Variants in RALGAPA1 observed in about 807,000 individuals in gnomAD.
RALGAPA1 encodes ral GTPase-activating protein subunit alpha-1.
Under a neutral mutation model 269.6 loss-of-function variants are expected in RALGAPA1, and 52 were observed. The observed-to-expected ratio is 0.19, with a 90% CI of 0.15 to 0.24. The LOEUF (loss-of-function observed/expected upper bound fraction) is 0.24, where lower values mean the gene tolerates loss of function less well. Among genes scored for constraint, RALGAPA1 ranks in the 10% least tolerant of loss-of-function variants. The pLI is 1.00. For missense variants in RALGAPA1, 1,917 were observed against 3,013.9 expected, an observed-to-expected ratio of 0.64 and a Z score of 8.52; for synonymous variants, 817 against 1,008.3, an observed-to-expected ratio of 0.81 and a Z score of 3.60.
chr14:35,649,758 T>C (rs2062688950), intron 31 of RALGAPA1, among the ~76,000 whole-genome samples: 1 of 152,178 alleles, frequency 6.6e-6, no homozygotes, highest in African/African-American at 2.4e-5. Context: ...TTTTCTACTT[T>C]TTATACTATT....
chr14:35,787,128 T>C (rs886172117), intron 1 of RALGAPA1, among the ~76,000 whole-genome samples: 1 of 152,238 alleles, frequency 6.6e-6, no homozygotes, highest in African/African-American at 2.4e-5. Flanking sequence ...TCTTTTACTA[T>C]ACCATTAACT....
At position 35,605,680 on chromosome 14, in the gene RALGAPA1, T is replaced by C. The variant is rs2059555100; in HGVS notation, c.6959A>G (p.Tyr2320Cys). Residue 2320 changes from tyrosine (Y) to cysteine (C), a missense_variant, in exon 36 of 42, where the codon TAT (tyrosine) becomes TGT (cysteine). Physicochemically the swap from Tyr to Cys is radical, Grantham distance 194 (BLOSUM62 -2). Coordinates refer to ENST00000680220, the MANE Select transcript of RALGAPA1 (RefSeq NM_001346249.2). The stretch of plus-strand genomic sequence containing the variant: ...TTTGTCTTCTTGTCCTTCAGCAACA[T>C]AAAATACTGCAATCTTGTGTGTCTC... Reference protein sequence around the residue: ...CRETHKIAVFYVAEGQEDKHS... With the variant: ...CRETHKIAVFCVAEGQEDKHS... 3 of 1,610,596 alleles carry C rather than the reference T, an allele frequency of 1.9e-6. No homozygotes were observed. Among genetic ancestry groups the C allele is most frequent in the Non-Finnish European group, 1.7e-6 (2 of 1,179,012 alleles).
chr14:35,773,851 G>C (rs1166024006), intron 3 of RALGAPA1, among the ~76,000 whole-genome samples: 1 of 151,962 alleles, frequency 6.6e-6, no homozygotes, highest in Non-Finnish European at 1.5e-5. Flanking sequence ...ACAGCTAAGA[G>C]ACATATAAAT....
chr14:35,590,117 A>T (rs1273527668), intron 37 of RALGAPA1, among the ~76,000 whole-genome samples: 1 of 152,198 alleles, frequency 6.6e-6, no homozygotes, highest in African/African-American at 2.4e-5. Flanking sequence ...TCTTTATTCC[A>T]ATCCTATTTA....
rs747195747 is a variant in RALGAPA1, at chr14:35,549,188, A to C, written c.7543T>G (p.Leu2515Val). 6.2e-7 allele frequency: 1 copy of C among 1,613,086 alleles called. No homozygotes were observed. The highest frequency in any genetic ancestry group is 8.5e-7 in the Non-Finnish European group (1 of 1,179,406). Residue 2515 changes from leucine to valine, a missense_variant, in exon 40 of 42, where the codon TTA becomes GTA. Physicochemically the swap from Leu to Val is conservative, Grantham distance 32. Coordinates refer to ENST00000680220, the MANE Select transcript of RALGAPA1 (RefSeq NM_001346249.2). ...RYLQTIVQHH[L>V]EPTTFEDFAA... is the part of the protein sequence containing the mutation. Reference sequence around the variant, plus strand: ...AAATCTTCAAATGTTGTTGGTTCTAAGTGGTGCTGGACAATTGTTTGCAGG... The same window carrying C: ...AAATCTTCAAATGTTGTTGGTTCTACGTGGTGCTGGACAATTGTTTGCAGG...
intron 33 of RALGAPA1, among the ~76,000 whole-genome samples, chr14:35,633,300 C>T (rs1031889991): frequency 1.6e-4 from 24 of 152,044 alleles, no homozygotes; most frequent in African/African-American, 4.6e-4. Context: ...TATCTTATTA[C>T]GTCAAATCTA....
chr14:35,742,736 A>C (rs1441602523), intron 10 of RALGAPA1, among the ~76,000 whole-genome samples, 171 bp from the exon 11 acceptor site: 1 of 151,670 alleles, frequency 6.6e-6, no homozygotes, highest in Admixed American at 6.6e-5. Context: ...TATAAATAAG[A>C]GTTAAGTTCC....
chr14:35,588,701 C>CA (rs1281077243), intron 37 of RALGAPA1, among the ~76,000 whole-genome samples: 1 of 152,116 alleles, frequency 6.6e-6, no homozygotes, highest in Non-Finnish European at 1.5e-5. Context: ...GGGGGTTCTT[C>CA]AAAAAATTAA....
chr14:35,775,020 G>A lies in RALGAPA1; in HGVS notation c.253C>T (p.Leu85Phe). ...GAAGCACTTACCTCAAAAATAAAAA[G>A]TATAGCATCCAATTCCTCTCTTTGA... ...KSQREELDAI[L>F]FIFEKILQLL... Residue 85 changes from leucine (L) to phenylalanine (F), a missense_variant, in exon 3 of 42, where the codon CTT (leucine) becomes TTT (phenylalanine). Physicochemically the swap from Leu to Phe is conservative, Grantham distance 22. Around this residue, in one of 11 missense-constraint regions of RALGAPA1, gnomAD observed 462 missense variants for 725.6 expected, o/e 0.64. Transcript: ENST00000680220. 1 of 1,573,198 alleles carries A rather than the reference G, an allele frequency of 6.4e-7. No individual in the cohort carries two copies. The highest frequency in any genetic ancestry group is 8.7e-7 in the Non-Finnish European group (1 of 1,152,242).
chr14:35,540,009 G>A (rs532097530), intron 41 of RALGAPA1, among the ~76,000 whole-genome samples: 22 of 152,178 alleles, frequency 1.4e-4, no homozygotes, highest in Non-Finnish European at 2.4e-4. Flanking sequence ...TGCAGGGAAG[G>A]GGTCAAGAAG....
At chr14:35,673,068 T>A in intron 24 of RALGAPA1, 46 bp from the exon 25 acceptor site, 1 of 1,369,960 alleles carries the variant, frequency 7.3e-7, no homozygotes, top group African/African-American at 1.5e-5. Flanking sequence ...AAATACTATT[T>A]GCTAAATAAC....
At chr14:35,715,192 AC>A (rs1440555554) in intron 16 of RALGAPA1, among the ~76,000 whole-genome samples, 1 of 152,172 alleles carries the variant, frequency 6.6e-6, no homozygotes, top group South Asian at 2.1e-4. Flanking sequence ...CCAACTAGAC[AC>A]ATCAGACCCT....
At chr14:35,543,305 C>T (rs948379646) in intron 41 of RALGAPA1, among the ~76,000 whole-genome samples, 1 of 152,006 alleles carries the variant, frequency 6.6e-6, no homozygotes. Flanking sequence ...CATAATAATG[C>T]TATTAAACAG....
chr14:35,702,715 TA>T lies in RALGAPA1; in HGVS notation c.2267-2414del, dbSNP rs1555409652. Among the ~76,000 whole-genome samples the T allele has an allele frequency of 3.5e-3, 399 of 114,018 alleles. 4 individuals carry two copies. Among genetic ancestry groups the T allele is most frequent in the South Asian group, 0.017 (63 of 3,644 alleles). The allele number at this position is 114,018 out of a possible 152,430, so 74.8% of individuals were successfully genotyped here. A position where few individuals can be genotyped will look rare whatever the true frequency, so the allele number is the denominator to read the frequency against. Reference sequence around the variant, plus strand: ...ATCTATAGTTGTAATCACCTTTAATTAAAAAAAAAAAATATATATATATATA... The same window carrying T: ...ATCTATAGTTGTAATCACCTTTAATTAAAAAAAAAAATATATATATATATA... On this transcript the variant is annotated intron_variant, in intron 16 of 41. Coordinates refer to ENST00000680220, the MANE Select transcript of RALGAPA1 (RefSeq NM_001346249.2).
intron 1 of RALGAPA1, among the ~76,000 whole-genome samples, chr14:35,779,414 C>T (rs1489365661): frequency 2.6e-5 from 4 of 151,988 alleles, no homozygotes; most frequent in Admixed American, 6.6e-5. Context: ...GTCCCAGCAA[C>T]TCTGGAGACT....
chr14:35,580,309 G>A (rs765841280), intron 37 of RALGAPA1, among the ~76,000 whole-genome samples: 1 of 152,208 alleles, frequency 6.6e-6, no homozygotes, highest in African/African-American at 2.4e-5. Context: ...AGGAGACAGA[G>A]GAAATGAGAG....
chr14:35,686,469 T>C (rs1448597869), intron 19 of RALGAPA1, 73 bp downstream of exon 19: 2 of 1,136,346 alleles, frequency 1.8e-6, no homozygotes, highest in Admixed American at 3.1e-5. Context: ...AATTGACATA[T>C]ATGTACATAG....
At chr14:35,729,888 C>T (rs1445999550) in intron 12 of RALGAPA1, among the ~76,000 whole-genome samples, 2 of 152,144 alleles carry the variant, frequency 1.3e-5, no homozygotes, top group Admixed American at 6.5e-5. Context: ...GGAAGCAGAA[C>T]TAAATTGCAG....
intron 39 of RALGAPA1, among the ~76,000 whole-genome samples, chr14:35,565,333 T>C (rs1240007702): frequency 1.3e-5 from 2 of 149,764 alleles, no homozygotes; most frequent in African/African-American, 4.9e-5. Context: ...ATAATATTAA[T>C]ATAATATATA....
Sources: gnomAD v4.1 joint callset for allele counts (sites outside exome capture counted in the v4.1 genomes callset) on GRCh38, gnomAD v4.1.1 for gene constraint, gnomAD v4.1.1 regional missense constraint, MANE v1.5 for transcripts, NCBI Gene and HGNC (gene_info 2026-07-23, HGNC 2026-07-21) for gene names.